The following BLTP2 variants were observed in gnomAD, a reference collection of about 807,000 sequenced individuals.
BLTP2 encodes bridge-like lipid transfer protein family member 2.
chr17:28,631,241 T>C, the BLTP2 span, among the ~76,000 whole-genome samples: 24 of 152,208 alleles, frequency 1.6e-4, no homozygotes, highest in African/African-American at 5.5e-4. Context: ...GTGCTCTCTC[T>C]CCCTCTCTGC....
At chr17:28,641,053 TAC>T in the BLTP2 span, among the ~76,000 whole-genome samples, 5 of 152,212 alleles carry the variant, frequency 3.3e-5, no homozygotes, top group African/African-American at 9.6e-5. Context: ...TTAGAGAATA[TAC>T]AGTCATCCTT....
the BLTP2 span, chr17:28,621,338 G>T: frequency 1.8e-5 from 26 of 1,463,982 alleles, no homozygotes; most frequent in Non-Finnish European, 2.3e-5. Context: ...AGGGAAATGA[G>T]GTCCCTTTGG....
the BLTP2 span, chr17:28,640,279 GC>G: frequency 2.0e-6 from 1 of 498,204 alleles, no homozygotes; most frequent in African/African-American, 1.9e-5. Context: ...TATAATCCCA[GC>G]TATTCGGGAG....
At chr17:28,641,947 G>C in the BLTP2 span, 2 of 1,614,198 alleles carry the variant, frequency 1.2e-6, no homozygotes, top group East Asian at 2.2e-5. Context: ...GTTGGCTCTG[G>C]AAGAGGCCCT....
the BLTP2 span, chr17:28,636,912 C>T: frequency 7.3e-7 from 1 of 1,361,206 alleles, no homozygotes; most frequent in South Asian, 1.2e-5. Context: ...CAGAGAAAGG[C>T]TCTAAGCTGA....
At chr17:28,643,570 G>C in the BLTP2 span, 1 of 1,587,706 alleles carries the variant, frequency 6.3e-7, no homozygotes, top group Non-Finnish European at 8.6e-7. Flanking sequence ...CAACTCCAAA[G>C]TACTCTTCTA....
the BLTP2 span, chr17:28,633,178 A>G: frequency 4.4e-6 from 7 of 1,584,302 alleles, no homozygotes; most frequent in Admixed American, 8.7e-5. Context: ...TCACAATGGA[A>G]CCCCAGCCCT....
At chr17:28,628,215 T>A in the BLTP2 span, 5 of 1,505,698 alleles carry the variant, frequency 3.3e-6, no homozygotes, top group African/African-American at 6.9e-5. Context: ...TCCAAGCCCA[T>A]ATCCATGTTC....
chr17:28,630,007 G>A, the BLTP2 span, among the ~76,000 whole-genome samples: 1 of 152,172 alleles, frequency 6.6e-6, no homozygotes, highest in African/African-American at 2.4e-5. Context: ...GACTACAGGT[G>A]CATGCCACCA....
chr17:28,615,320 A>C, the BLTP2 span: 4 of 1,321,072 alleles, frequency 3.0e-6, no homozygotes, highest in Non-Finnish European at 4.2e-6. Context: ...ATGAACCAAG[A>C]CAATAAAGAT....
the BLTP2 span, among the ~76,000 whole-genome samples, chr17:28,640,944 A>C: frequency 0.48 from 72,579 of 152,146 alleles, 20,333 homozygotes; most frequent in African/African-American, 0.79. Context: ...TAATTTAAAC[A>C]TCATTTTTAC....
At chr17:28,644,152 T>C in the BLTP2 span, 3 of 1,614,212 alleles carry the variant, frequency 1.9e-6, no homozygotes, top group Admixed American at 3.3e-5. Context: ...CAGCTTCCGC[T>C]GACACCACTT....
the BLTP2 span, chr17:28,633,974 G>C: frequency 6.2e-7 from 1 of 1,614,118 alleles, no homozygotes; most frequent in Admixed American, 1.7e-5. Context: ...CCAAGTGCAA[G>C]ATCTGACGCC....
At chr17:28,620,219 G>C in the BLTP2 span, among the ~76,000 whole-genome samples, 1 of 152,200 alleles carries the variant, frequency 6.6e-6, no homozygotes, top group African/African-American at 2.4e-5. Flanking sequence ...AACAGGATGG[G>C]ATGGAGGTGG....
chr17:28,634,314 T>C, the BLTP2 span, among the ~76,000 whole-genome samples: 2 of 152,136 alleles, frequency 1.3e-5, no homozygotes, highest in Non-Finnish European at 2.9e-5. Flanking sequence ...AAGATGACTG[T>C]GTTAGCTTTC....
chr17:28,625,822 A>G, the BLTP2 span, among the ~76,000 whole-genome samples: 2 of 151,862 alleles, frequency 1.3e-5, no homozygotes, highest in African/African-American at 4.8e-5. Flanking sequence ...CTGGAGTGCA[A>G]TGGCGCAATC....
chr17:28,641,382 C>T, the BLTP2 span, among the ~76,000 whole-genome samples: 1 of 152,210 alleles, frequency 6.6e-6, no homozygotes, highest in Non-Finnish European at 1.5e-5. Flanking sequence ...TGGCTCACGC[C>T]TGTAATCCCA....
the BLTP2 span, chr17:28,640,494 TAC>T: frequency 6.4e-7 from 1 of 1,560,630 alleles, no homozygotes; most frequent in Non-Finnish European, 8.8e-7. Flanking sequence ...CTAGGCTGGT[TAC>T]AGAGATACCA....
At chr17:28,629,997 G>T in the BLTP2 span, among the ~76,000 whole-genome samples, 1 of 152,134 alleles carries the variant, frequency 6.6e-6, no homozygotes, top group South Asian at 2.1e-4. Context: ...AAATAGCTAG[G>T]ACTACAGGTG....
Sources: allele counts gnomAD v4.1 joint callset (sites outside exome capture counted in the v4.1 genomes callset), GRCh38; gene constraint gnomAD v4.1.1; transcripts MANE v1.5; gene names NCBI Gene and HGNC (gene_info 2026-07-23, HGNC 2026-07-21).